PGK2: variants seen among roughly 807,000 people sequenced by gnomAD.
The protein encoded by PGK2 is phosphoglycerate kinase 2.
In PGK2, 5 loss-of-function variants were observed where a neutral mutation model predicts 5.2. The ratio of observed to expected loss-of-function variants is 0.96; its 90% CI spans 0.50 to 2.01. PGK2 has a LOEUF of 2.01. Ranked by LOEUF, PGK2 falls within the 30% of genes most tolerant of loss-of-function variation. PGK2 has a pLI of 0.01. For missense variants in PGK2, 588 were observed against 506.8 expected, an observed-to-expected ratio of 1.16 and a Z score of -1.54; for synonymous variants, 210 against 182.6, an observed-to-expected ratio of 1.15 and a Z score of -1.21.
Position 49,786,226 on chromosome 6 carries a change from T to A in PGK2, c.962A>T (p.Asn321Ile). The change falls in exon 1 of 1, where the codon AAC becomes ATC. Residue 321 changes from asparagine to isoleucine, a missense_variant. Transcript: ENST00000304801. ...AGCCACAACTTGAGCATGATTCTTG[T>A]TGCTCTCAGGACCACAGTCCAAACC... ...WMGLDCGPES[N>I]KNHAQVVAQA... 1 of 1,614,188 alleles carries A rather than the reference T, an allele frequency of 6.2e-7. No homozygotes were observed. The highest frequency in any genetic ancestry group is 8.5e-7 in the Non-Finnish European group (1 of 1,180,044).
In PGK2 at chr6:49,787,024, G is replaced by C; in HGVS notation, c.164C>G (p.Ala55Gly). The C allele has an allele frequency of 6.2e-7, 1 of 1,614,008 alleles. No homozygotes were observed. The highest frequency in any genetic ancestry group is 8.5e-7 in the Non-Finnish European group (1 of 1,179,956). Residue 55 changes from alanine (A) to glycine (G), a missense_variant, in exon 1 of 1, where the codon GCC becomes GGC. Transcript: ENST00000304801. Reference sequence around the variant, plus strand: ...ATGACTCATAAGAACTACTGCCTTGGCTCCATTGTCCAGGCAGTACTTGAT... The same window carrying C: ...ATGACTCATAAGAACTACTGCCTTGCCTCCATTGTCCAGGCAGTACTTGAT... The part of the protein sequence containing the change: ...PSIKYCLDNG[A>G]KAVVLMSHLG...
chr6:49,786,770 T>G lies in PGK2; in HGVS notation c.418A>C (p.Ile140Leu), dbSNP rs1297708699. 6.2e-7 allele frequency: 1 copy of G among 1,614,112 alleles called. No homozygotes were observed. Among genetic ancestry groups the G allele is most frequent in the Non-Finnish European group, 8.5e-7 (1 of 1,180,016 alleles). ...TCTATTTTATCTGGCTCAGCTTTAA[T>G]CTTCTTTCCAGAGGGATCTTGGCCC... is the stretch of plus-strand genomic sequence containing the variant. ...GKGQDPSGKK[I>L]KAEPDKIEAF... The change falls in exon 1 of 1, where the codon ATT (isoleucine) becomes CTT (leucine). Residue 140 changes from isoleucine (I) to leucine (L), a missense_variant. Physicochemically the swap from Ile to Leu is conservative, Grantham distance 5. Transcript: ENST00000304801.
In PGK2 at chr6:49,786,603, A is replaced by C; in HGVS notation, c.585T>G (p.Asp195Glu). ...GGTTTTCCAAGGCTTTAGCAAAGTAATCTAGTTCCTTCTTCATCAAGAATC... is the reference window on the plus strand; with the variant it reads ...GGTTTTCCAAGGCTTTAGCAAAGTACTCTAGTTCCTTCTTCATCAAGAATC... ...ASGFLMKKELDYFAKALENPV... is the reference protein window; with the variant it reads ...ASGFLMKKELEYFAKALENPV... Residue 195 changes from aspartate (D) to glutamate (E), a missense_variant, in exon 1 of 1, where the codon GAT becomes GAG. Coordinates refer to ENST00000304801, the MANE Select transcript of PGK2 (RefSeq NM_138733.5). The C allele has an allele frequency of 6.2e-7, 1 of 1,614,124 alleles. No individual in the cohort carries two copies. Among genetic ancestry groups the C allele is most frequent in the Middle Eastern group, 1.6e-4 (1 of 6,062 alleles).
chr6:49,787,175 T>C lies in PGK2; in HGVS notation c.13A>G (p.Lys5Glu). 4.3e-6 allele frequency: 7 copies of C among 1,611,962 alleles called. No homozygotes were observed. The highest frequency in any genetic ancestry group is 5.9e-6 in the Non-Finnish European group (7 of 1,178,492). Reference protein sequence around the residue: MSLSKKLTLDKLDVR... With the variant: MSLSEKLTLDKLDVR... ...TCCAGTTTGTCTAAAGTCAACTTCTTAGAAAGAGACATCTTGACAATATAA... is the reference window on the plus strand; with the variant it reads ...TCCAGTTTGTCTAAAGTCAACTTCTCAGAAAGAGACATCTTGACAATATAA... Residue 5 changes from lysine (K) to glutamate (E), a missense_variant, in exon 1 of 1, where the codon AAG becomes GAG. Transcript: ENST00000304801.
In PGK2 at chr6:49,785,713, A is replaced by T. The variant is rs1769893543; in HGVS notation, c.*221T>A. The T allele has an allele frequency of 5.4e-6, 3 of 553,236 alleles. No individual in the cohort carries two copies. The highest frequency in any genetic ancestry group is 3.1e-5 in the Admixed American group (1 of 32,468). The allele number at this position is 553,236 out of a possible 1,614,324, so 34.3% of individuals were successfully genotyped here. A position where few individuals can be genotyped will look rare whatever the true frequency, so the allele number is the denominator to read the frequency against. On this transcript the variant is annotated 3_prime_UTR_variant, in exon 1 of 1. Transcript: ENST00000304801. ...TAAGAATATGTCCTCCCTAGATAGC[A>T]CAATGGTGAAGTTCAAATGAGAACT...
Position 49,786,363 on chromosome 6 carries a change from C to A in PGK2, c.825G>T (p.Lys275Asn), listed in dbSNP as rs780494411. The A allele has an allele frequency of 1.2e-6, 2 of 1,614,168 alleles. No homozygotes were observed. The highest frequency in any genetic ancestry group is 1.7e-5 in the Admixed American group (1 of 60,014). Residue 275 changes from lysine to asparagine, a missense_variant, in exon 1 of 1, where the codon AAG (lysine) becomes AAT (asparagine). Physicochemically the swap from Lys to Asn is moderately conservative, Grantham distance 94. Coordinates refer to ENST00000304801, the MANE Select transcript of PGK2 (RefSeq NM_138733.5). Reference protein sequence around the residue: ...IVKDIMAKAQKNGVRITFPVD... With the variant: ...IVKDIMAKAQNNGVRITFPVD... Reference sequence around the variant, plus strand: ...CAGGAAAAGTAATCCTTACACCATTCTTTTGTGCTTTGGCCATGATATCTT... The same window carrying A: ...CAGGAAAAGTAATCCTTACACCATTATTTTGTGCTTTGGCCATGATATCTT...
Position 49,786,193 on chromosome 6 carries a change from CT to C in PGK2, c.994del (p.Arg332GlyfsTer2). Reference protein sequence around the residue: ...KNHAQVVAQARLIVWNGPLGV... With the variant: ...KNHAQVVAQAXLIVWNGPLGV... ...TAACGGCCCATTCCAAACAATTAGC[CT>C]TGCTTGAGCCACAACTTGAGCATGA... On this transcript the variant is annotated frameshift_variant, in exon 1 of 1. Transcript: ENST00000304801. LOFTEE classifies it high-confidence loss of function. 6.2e-7 allele frequency: 1 copy of C among 1,614,134 alleles called. No homozygotes were observed. Among genetic ancestry groups the C allele is most frequent in the Non-Finnish European group, 8.5e-7 (1 of 1,180,016 alleles).
rs374682715 is a variant in PGK2 at position 49,787,131 on chromosome 6, G to C, written c.57C>G (p.Val19=). ...GAACATTGAAGTCTACTCTCATGATGACTCGCTTCCCTCTAACATCCAGTT... is the reference window on the plus strand; with the variant it reads ...GAACATTGAAGTCTACTCTCATGATCACTCGCTTCCCTCTAACATCCAGTT... ...LDKLDVRGKR[V]IMRVDFNVPM... The change falls in exon 1 of 1, where the codon GTC becomes GTG. Residue 19 remains valine (V), a synonymous_variant. Transcript: ENST00000304801. 165 of 1,613,272 alleles carry C rather than the reference G, an allele frequency of 1.0e-4. No individual in the cohort carries two copies. The highest frequency in any genetic ancestry group is 1.4e-4 in the Non-Finnish European group (161 of 1,179,460).
In PGK2 at chr6:49,786,229, C is replaced by T; in HGVS notation, c.959G>A (p.Ser320Asn). 1.9e-6 allele frequency: 3 copies of T among 1,614,176 alleles called. No individual in the cohort carries two copies. Among genetic ancestry groups the T allele is most frequent in the Non-Finnish European group, 2.5e-6 (3 of 1,180,048 alleles). Reference protein sequence around the residue: ...GWMGLDCGPESNKNHAQVVAQ... With the variant: ...GWMGLDCGPENNKNHAQVVAQ... ...CACAACTTGAGCATGATTCTTGTTG[C>T]TCTCAGGACCACAGTCCAAACCCAT... Residue 320 changes from serine to asparagine, a missense_variant, in exon 1 of 1, where the codon AGC (serine) becomes AAC (asparagine). By Grantham distance (46) the Ser-to-Asn change is conservative. Transcript: ENST00000304801.
rs780581991 is a variant in PGK2, at chr6:49,787,230, C to T, written c.-43G>A. On this transcript the variant is annotated 5_prime_UTR_variant, in exon 1 of 1. Coordinates refer to ENST00000304801, the MANE Select transcript of PGK2 (RefSeq NM_138733.5). ...ATAGGCTGACACCTGGATCTTAATG[C>T]TGAAGAACCAACTTGCTGTTGAGGG... The T allele has an allele frequency of 2.7e-6, 4 of 1,471,738 alleles. No individual in the cohort carries two copies. Among genetic ancestry groups the T allele is most frequent in the African/African-American group, 2.8e-5 (2 of 71,830 alleles). The allele number at this position is 1,471,738 out of a possible 1,614,324, so 91.2% of individuals were successfully genotyped here.
rs1561922197 is a variant in PGK2, at chr6:49,786,439, T to C, written c.749A>G (p.Asn250Ser). The C allele has an allele frequency of 1.2e-6, 2 of 1,614,166 alleles. No homozygotes were observed. The highest frequency in any genetic ancestry group is 1.7e-6 in the Non-Finnish European group (2 of 1,180,014). The change falls in exon 1 of 1, where the codon AAC becomes AGC. Residue 250 changes from asparagine (N) to serine (S), a missense_variant. Asn to Ser is a conservative substitution (Grantham distance 46). Coordinates refer to ENST00000304801, the MANE Select transcript of PGK2 (RefSeq NM_138733.5). ...AAACAGGGAAGCACCAATCTCCATG[T>C]TGTTGAGTACCTTAAGGAAGGTATA... ...MAYTFLKVLN[N>S]MEIGASLFDE...
In PGK2 at chr6:49,786,033, A is replaced by T; in HGVS notation, c.1155T>A (p.Thr385=). ...TGCTGACATGGCTGACTTTATCTTC[A>T]GTGTTCCATTTGGCACAGCAAGTAG... ...DTATCCAKWN[T]EDKVSHVSTG... Residue 385 remains threonine, a synonymous_variant, in exon 1 of 1, where the codon ACT becomes ACA. Transcript: ENST00000304801. The T allele has an allele frequency of 2.5e-6, 4 of 1,614,124 alleles. No individual in the cohort carries two copies. The highest frequency in any genetic ancestry group is 3.4e-6 in the Non-Finnish European group (4 of 1,179,978).
At position 49,786,086 on chromosome 6, in the gene PGK2, T is replaced by C; in HGVS notation, c.1102A>G (p.Ile368Val). The change falls in exon 1 of 1, where the codon ATC becomes GTC. Residue 368 changes from isoleucine (I) to valine (V), a missense_variant. Physicochemically the swap from Ile to Val is conservative, Grantham distance 29. Transcript: ENST00000304801. ...GTGTCTCCACCCCCTATAACAGTGATGCAGCCCTTGGAAGTGGCTTTCACA... is the reference window on the plus strand; with the variant it reads ...GTGTCTCCACCCCCTATAACAGTGACGCAGCCCTTGGAAGTGGCTTTCACA... ...EIVKATSKGC[I>V]TVIGGGDTAT... The C allele has an allele frequency of 6.2e-7, 1 of 1,614,146 alleles. No homozygotes were observed. The highest frequency in any genetic ancestry group is 8.5e-7 in the Non-Finnish European group (1 of 1,180,020).
At position 49,787,024 on chromosome 6, in the gene PGK2, G is replaced by A. The variant is rs552704544; in HGVS notation, c.164C>T (p.Ala55Val). ...ATGACTCATAAGAACTACTGCCTTG[G>A]CTCCATTGTCCAGGCAGTACTTGAT... ...PSIKYCLDNG[A>V]KAVVLMSHLG... Residue 55 changes from alanine to valine, a missense_variant, in exon 1 of 1, where the codon GCC (alanine) becomes GTC (valine). Ala to Val is a moderately conservative substitution (Grantham distance 64). Coordinates refer to ENST00000304801, the MANE Select transcript of PGK2 (RefSeq NM_138733.5). 5.0e-5 allele frequency: 80 copies of A among 1,614,008 alleles called. No individual in the cohort carries two copies. The South Asian group carries it at 8.5e-4, about 17-fold the overall frequency.
rs750641042 is a variant in PGK2, at chr6:49,786,463, T to C, written c.725A>G (p.Tyr242Cys). 2.5e-6 allele frequency: 4 copies of C among 1,614,030 alleles called. No individual in the cohort carries two copies. Residue 242 changes from tyrosine to cysteine, a missense_variant, in exon 1 of 1, where the codon TAT (tyrosine) becomes TGT (cysteine). Tyr to Cys is a radical substitution (Grantham distance 194). Transcript: ENST00000304801. Reference sequence around the variant, plus strand: ...GTTGTTGAGTACCTTAAGGAAGGTATAAGCCATTCCACCACCAATAATCAT... The same window carrying C: ...GTTGTTGAGTACCTTAAGGAAGGTACAAGCCATTCCACCACCAATAATCAT... ...NEMIIGGGMA[Y>C]TFLKVLNNME...
Position 49,785,737 on chromosome 6 carries a change from C to G in PGK2, c.*197G>C, listed in dbSNP as rs1769893771. The G allele has an allele frequency of 1.7e-6, 1 of 578,238 alleles. No homozygotes were observed. Among genetic ancestry groups the G allele is most frequent in the Non-Finnish European group, 3.1e-6 (1 of 325,696 alleles). The allele number at this position is 578,238 out of a possible 1,614,324, so 35.8% of individuals were successfully genotyped here. A position where few individuals can be genotyped will look rare whatever the true frequency, so the allele number is the denominator to read the frequency against. On this transcript the variant is annotated 3_prime_UTR_variant, in exon 1 of 1. Transcript: ENST00000304801. ...CACAATGGTGAAGTTCAAATGAGAACTTGAACAGGCAAATGCGTGACCAAA... is the reference window on the plus strand; with the variant it reads ...CACAATGGTGAAGTTCAAATGAGAAGTTGAACAGGCAAATGCGTGACCAAA...
Position 49,785,969 on chromosome 6 carries a change from T to C in PGK2, c.1219A>G (p.Ile407Val). ...GASLELLEGK[I>V]LPGVEALSNM ...CTGAGGGCCTCTACTCCAGGAAGGA[T>C]TTTACCTTCCAGAAGCTCTAGACTG... Residue 407 changes from isoleucine (I) to valine (V), a missense_variant, in exon 1 of 1, where the codon ATC becomes GTC. By Grantham distance (29) the Ile-to-Val change is conservative. Coordinates refer to ENST00000304801, the MANE Select transcript of PGK2 (RefSeq NM_138733.5). The C allele has an allele frequency of 6.2e-7, 1 of 1,613,974 alleles. No homozygotes were observed. The highest frequency in any genetic ancestry group is 1.1e-5 in the South Asian group (1 of 91,084).
Position 49,786,737 on chromosome 6 carries a change from G to C in PGK2, c.451C>G (p.Arg151Gly), listed in dbSNP as rs751234582. The stretch of plus-strand genomic sequence containing the variant: ...TCCCCTAGCTTGGAAAGTGATGCTC[G>C]GAAGGCTTCTATTTTATCTGGCTCA... The part of the protein sequence containing the change: ...KAEPDKIEAF[R>G]ASLSKLGDVY... The change falls in exon 1 of 1, where the codon CGA becomes GGA. Residue 151 changes from arginine to glycine, a missense_variant. Coordinates refer to ENST00000304801, the MANE Select transcript of PGK2 (RefSeq NM_138733.5). The C allele has an allele frequency of 6.2e-7, 1 of 1,613,934 alleles. No homozygotes were observed. Among genetic ancestry groups the C allele is most frequent in the Admixed American group, 1.7e-5 (1 of 59,984 alleles).
Position 49,786,739 on chromosome 6 carries a change from A to T in PGK2, c.449T>A (p.Phe150Tyr). The change falls in exon 1 of 1, where the codon TTC (phenylalanine) becomes TAC (tyrosine). Residue 150 changes from phenylalanine to tyrosine, a missense_variant. Transcript: ENST00000304801. Reference protein sequence around the residue: ...IKAEPDKIEAFRASLSKLGDV... With the variant: ...IKAEPDKIEAYRASLSKLGDV... ...CCCTAGCTTGGAAAGTGATGCTCGG[A>T]AGGCTTCTATTTTATCTGGCTCAGC... 6.2e-7 allele frequency: 1 copy of T among 1,614,108 alleles called. No homozygotes were observed. Among genetic ancestry groups the T allele is most frequent in the Non-Finnish European group, 8.5e-7 (1 of 1,180,008 alleles).
Sources: allele counts gnomAD v4.1 joint callset, GRCh38; gene constraint gnomAD v4.1.1; transcripts MANE v1.5; gene names NCBI Gene and HGNC (gene_info 2026-07-23, HGNC 2026-07-21).